The following ANO1 variants were observed in gnomAD, a reference collection of about 807,000 sequenced individuals.
The protein encoded by ANO1 is anoctamin-1.
In ANO1, 59 loss-of-function variants were observed where a neutral mutation model predicts 124.0. That is an observed-to-expected ratio of 0.48 (90% confidence interval 0.39 to 0.59). ANO1 has a LOEUF of 0.59. Ranked by LOEUF, ANO1 falls within the 20% of genes least tolerant of loss-of-function variation. The pLI, the probability that ANO1 is intolerant of heterozygous loss-of-function variation, is 0.00. For missense variants in ANO1, 1,059 were observed against 1,328.0 expected, an observed-to-expected ratio of 0.80 and a Z score of 3.15; for synonymous variants, 529 against 532.0, an observed-to-expected ratio of 0.99 and a Z score of 0.08.
intron 1 of ANO1, among the ~76,000 whole-genome samples, chr11:70,050,372 G>A (rs951571634): frequency 5.3e-5 from 8 of 152,232 alleles, no homozygotes; most frequent in Non-Finnish European, 1.0e-4. Flanking sequence ...TGCAGGCCAC[G>A]GCCCACTTAC....
chr11:70,120,559 G>A (rs1451572714), intron 8 of ANO1, among the ~76,000 whole-genome samples: 2 of 152,098 alleles, frequency 1.3e-5, no homozygotes, highest in Non-Finnish European at 2.9e-5. Flanking sequence ...AGCCCAACAT[G>A]TCATTCATCC....
In ANO1 at chr11:70,178,029, G is replaced by A. The variant is rs993399984; in HGVS notation, c.2351-1975G>A. 7.2e-5 allele frequency among the ~76,000 whole-genome samples: 11 copies of A among 152,330 alleles called. No individual in the cohort carries two copies. The East Asian group carries it at 7.7e-4, about 11-fold the overall frequency. On this transcript the variant is annotated intron_variant, in intron 22 of 25. Coordinates refer to ENST00000355303, the MANE Select transcript of ANO1 (RefSeq NM_018043.7). ...GCCACCGCTTTGCAGCCTCTGCTCC[G>A]GCACCAGAATCTGGTTGGAAAGGGC... is the stretch of plus-strand genomic sequence containing the variant.
intron 10 of ANO1, among the ~76,000 whole-genome samples, chr11:70,126,553 G>A (rs570004698): frequency 3.9e-5 from 6 of 152,200 alleles, no homozygotes; most frequent in Non-Finnish European, 7.4e-5. Flanking sequence ...GGGAGGTGAG[G>A]CATGAATGCT....
chr11:70,087,775 C>A lies in ANO1; in HGVS notation c.132C>A (p.Asp44Glu). 1.2e-6 allele frequency: 2 copies of A among 1,607,750 alleles called. No individual in the cohort carries two copies. Among genetic ancestry groups the A allele is most frequent in the Non-Finnish European group, 1.7e-6 (2 of 1,176,690 alleles). Residue 44 changes from aspartate (D) to glutamate (E), a missense_variant, in exon 2 of 26, where the codon GAC (aspartate) becomes GAA (glutamate). By Grantham distance (45) the Asp-to-Glu change is conservative. Transcript: ENST00000355303. ...AGCTGCTGAACTCCTTATCTGTGGA[C>A]CCTGATGCCGAGTGCAAGTATGGCC... is the stretch of plus-strand genomic sequence containing the variant. ...EGTLLNSLSV[D>E]PDAECKYGLY...
At chr11:70,124,100 G>C (rs1027800576) in intron 8 of ANO1, among the ~76,000 whole-genome samples, 2 of 152,170 alleles carry the variant, frequency 1.3e-5, no homozygotes, top group Admixed American at 1.3e-4. Context: ...AAACCCTAAA[G>C]GTAAGAAGCC....
Position 70,167,267 on chromosome 11 carries a change from C to T in ANO1, c.2077C>T (p.Leu693=), listed in dbSNP as rs758038053. 22 of 1,613,900 alleles carry T rather than the reference C, an allele frequency of 1.4e-5. No individual in the cohort carries two copies. The highest frequency in any genetic ancestry group is 1.8e-5 in the Non-Finnish European group (21 of 1,179,886). ...IPKMKKLIRY[L]KLKQQSPPDH... ...GAAGATGAAGAAGCTCATCCGCTAC[C>T]TGAAGCTGAAGCAGCAGAGCCCCCC... Residue 693 remains leucine (L), a synonymous_variant, in exon 21 of 26, where the codon CTG becomes TTG. Transcript: ENST00000355303.
intron 20 of ANO1, among the ~76,000 whole-genome samples, chr11:70,166,296 C>A (rs1207128943): frequency 1.3e-5 from 2 of 152,014 alleles, no homozygotes; most frequent in Non-Finnish European, 2.9e-5. Context: ...CCAGCCTGGG[C>A]GACAGACCGA....
At position 70,126,092 on chromosome 11, in the gene ANO1, T is replaced by A; in HGVS notation, c.994T>A (p.Phe332Ile). 6.2e-7 allele frequency: 1 copy of A among 1,612,730 alleles called. No individual in the cohort carries two copies. Among genetic ancestry groups the A allele is most frequent in the Non-Finnish European group, 8.5e-7 (1 of 1,179,258 alleles). Residue 332 changes from phenylalanine to isoleucine, a missense_variant, in exon 10 of 26, where the codon TTC becomes ATC. By Grantham distance (21) the Phe-to-Ile change is conservative. Transcript: ENST00000355303. ...KYFGEKIGLY[F>I]AWLGVYTQML... The stretch of plus-strand genomic sequence containing the variant: ...TTTTGGGGAGAAGATCGGCCTGTAC[T>A]TCGCCTGGCTGGGCGTGTACACCCA...
intron 12 of ANO1, among the ~76,000 whole-genome samples, chr11:70,150,748 G>T: frequency 6.6e-6 from 1 of 151,770 alleles, no homozygotes; most frequent in South Asian, 2.1e-4. Flanking sequence ...TGTTGCCCAG[G>T]CTACACATGC....
intron 9 of ANO1, 146 bp from the exon 10 acceptor site, chr11:70,125,915 C>T (rs188407481): frequency 3.5e-4 from 316 of 900,466 alleles, no homozygotes; most frequent in Non-Finnish European, 4.4e-4. Context: ...CCTGATGGGG[C>T]GGCCCAGGAC....
At chr11:70,102,825 G>A (rs2045329632) in intron 2 of ANO1, among the ~76,000 whole-genome samples, 1 of 152,180 alleles carries the variant, frequency 6.6e-6, no homozygotes, top group African/African-American at 2.4e-5. Context: ...GACCCTCCTG[G>A]CTCTTAAAGT....
intron 11 of ANO1, among the ~76,000 whole-genome samples, chr11:70,147,891 T>C (rs2047443536): frequency 6.6e-6 from 1 of 152,190 alleles, no homozygotes; most frequent in Non-Finnish European, 1.5e-5. Context: ...CCGTGTGGCT[T>C]CTCAGCTTTT....
chr11:70,122,519 CTCTG>C (rs1400059509), intron 8 of ANO1, among the ~76,000 whole-genome samples: 20 of 151,328 alleles, frequency 1.3e-4, no homozygotes, highest in Admixed American at 3.3e-4. Context: ...CCTCACCTCT[CTCTG>C]TCTGTCTCTC....
At chr11:70,177,594 CTTTTTTTTTTTT>C (rs57647858) in intron 22 of ANO1, among the ~76,000 whole-genome samples, 5 of 78,930 alleles carry the variant, frequency 6.3e-5, no homozygotes, top group African/African-American at 2.6e-4. Context: ...TTTTTTTTTT[CTTTTTTTTTTTT>C]TTTTTTTTTT....
intron 1 of ANO1, among the ~76,000 whole-genome samples, chr11:70,052,709 C>T (rs553699099): frequency 6.6e-6 from 1 of 151,714 alleles, no homozygotes; most frequent in Non-Finnish European, 1.5e-5. Flanking sequence ...GCTGCCACCA[C>T]ACCCAGCCAA....
intron 7 of ANO1, among the ~76,000 whole-genome samples, chr11:70,112,745 G>C (rs534675401): frequency 2.0e-5 from 3 of 152,156 alleles, no homozygotes; most frequent in African/African-American, 7.2e-5. Flanking sequence ...TGTTAGTAGA[G>C]ATGGGGTTTC....
At chr11:70,182,452 C>A in intron 23 of ANO1, 50 bp from the exon 24 acceptor site, 1 of 1,445,740 alleles carries the variant, frequency 6.9e-7, no homozygotes, top group Non-Finnish European at 9.2e-7. Context: ...GCGGCCGGCC[C>A]TTCTGCGCCC....
At position 70,095,279 on chromosome 11, in the gene ANO1, G is replaced by GGAAGGAAAGAAA. The variant is rs1555017297; in HGVS notation, c.441+7202_441+7203insAGAAAGAAGGAA. On this transcript the variant is annotated intron_variant, in intron 2 of 25. Transcript: ENST00000355303. ...AGGAAGGAAGGAAGGAAGGAAGGAA[G>GGAAGGAAAGAAA]GAAGGAAGGAAGGAAGGAAGGAAAG... Among the ~76,000 whole-genome samples the GGAAGGAAAGAAA allele has an allele frequency of 8.6e-4, 82 of 95,560 alleles. 9 individuals carry two copies. The highest frequency in any genetic ancestry group is 3.6e-3 in the African/African-American group (79 of 22,062). 62.7% of individuals were successfully genotyped at this position (95,560 alleles called of 152,430 possible). A position where few individuals can be genotyped will look rare whatever the true frequency, so the allele number is the denominator to read the frequency against.
In ANO1 at chr11:70,117,096, C is replaced by CTTTTTT. The variant is rs1479602475; in HGVS notation, c.897+600_897+601insTTTTTT. Among the ~76,000 whole-genome samples the CTTTTTT allele has an allele frequency of 1.2e-4, 9 of 75,948 alleles. 1 individual carries two copies. The highest frequency in any genetic ancestry group is 1.7e-4 in the Admixed American group (1 of 5,966). 49.8% of individuals were successfully genotyped at this position (75,948 alleles called of 152,430 possible). A position where few individuals can be genotyped will look rare whatever the true frequency, so the allele number is the denominator to read the frequency against. ...CCCCTTTATTCTTTTTTCTTTGTTT[C>CTTTTTT]TTTCTTTTTTTTTTTTTTTTTTTTT... is the stretch of plus-strand genomic sequence containing the variant. On this transcript the variant is annotated intron_variant, in intron 8 of 25. Coordinates refer to ENST00000355303, the MANE Select transcript of ANO1 (RefSeq NM_018043.7).
Sources: allele counts gnomAD v4.1 joint callset (sites outside exome capture counted in the v4.1 genomes callset), GRCh38; gene constraint gnomAD v4.1.1; transcripts MANE v1.5; gene names NCBI Gene and HGNC (gene_info 2026-07-23, HGNC 2026-07-21).